LRRC28: variants seen among roughly 807,000 people sequenced by gnomAD.
The protein encoded by LRRC28 is leucine-rich repeat-containing protein 28.
LRRC28 carries 39 observed loss-of-function variants against 45.7 expected under a neutral mutation model. The ratio of observed to expected loss-of-function variants is 0.85; its 90% confidence interval spans 0.66 to 1.12. The LOEUF (loss-of-function observed/expected upper bound fraction) is 1.12. LRRC28 is among the 50% of genes most tolerant of loss of function. The probability of loss-of-function intolerance (pLI) is 0.00; values close to 1 mark genes in which losing one functional copy is unlikely to be tolerated. For synonymous variants in LRRC28, 206 were observed against 178.8 expected (o/e 1.15, Z -1.22); for missense variants, 435 against 438.5 (o/e 0.99, Z 0.07).
At chr15:99,302,804 G>A (rs1333547877) in intron 5 of LRRC28, among the ~76,000 whole-genome samples, 1 of 152,144 alleles carries the variant, frequency 6.6e-6, no homozygotes, top group Non-Finnish European at 1.5e-5. Context: ...TCATGTAAAT[G>A]TACATAACCT....
At chr15:99,287,624 T>C (rs964375484) in intron 4 of LRRC28, among the ~76,000 whole-genome samples, 190 bp from the exon 5 acceptor site, 2 of 152,350 alleles carry the variant, frequency 1.3e-5, no homozygotes, top group Middle Eastern at 6.8e-3. Context: ...TATTTTAAGT[T>C]ATATTTTATC....
chr15:99,373,840 T>C (rs1226267089), intron 9 of LRRC28, among the ~76,000 whole-genome samples: 1 of 152,206 alleles, frequency 6.6e-6, no homozygotes, highest in Non-Finnish European at 1.5e-5. Flanking sequence ...TTCAATTTTA[T>C]AGTAATGCTT....
intron 9 of LRRC28, among the ~76,000 whole-genome samples, chr15:99,365,360 T>G (rs117839588): frequency 6.6e-6 from 1 of 152,376 alleles, no homozygotes; most frequent in East Asian, 1.9e-4. Context: ...CCTCTGTTTA[T>G]AGCAGAGATG....
intron 5 of LRRC28, among the ~76,000 whole-genome samples, chr15:99,296,975 T>C (rs1214707893): frequency 1.3e-5 from 2 of 152,040 alleles, no homozygotes; most frequent in Non-Finnish European, 2.9e-5. Context: ...AATCTAACAA[T>C]CTGCCTCAGC....
intron 6 of LRRC28, among the ~76,000 whole-genome samples, chr15:99,346,788 T>TA (rs1171929939): frequency 6.6e-6 from 1 of 152,084 alleles, no homozygotes; most frequent in Non-Finnish European, 1.5e-5. Flanking sequence ...CATTACCTAT[T>TA]AAAAAAATAA....
intron 6 of LRRC28, among the ~76,000 whole-genome samples, chr15:99,348,502 G>A (rs1567684774): frequency 2.0e-5 from 3 of 152,036 alleles, no homozygotes; most frequent in East Asian, 1.9e-4. Context: ...GAAATCCAGC[G>A]TTCCCGGCAC....
chr15:99,272,407 T>A (rs931886452), intron 2 of LRRC28, among the ~76,000 whole-genome samples: 2 of 152,166 alleles, frequency 1.3e-5, no homozygotes, highest in African/African-American at 4.8e-5. Flanking sequence ...CACTTAGCCA[T>A]GGCCAGCTTG....
chr15:99,257,281 T>C (rs1175288805), intron 2 of LRRC28, among the ~76,000 whole-genome samples: 1 of 152,208 alleles, frequency 6.6e-6, no homozygotes, highest in Non-Finnish European at 1.5e-5. Context: ...CTATTTGCAG[T>C]TATAGGAATC....
At chr15:99,280,683 T>C (rs954908167) in intron 3 of LRRC28, among the ~76,000 whole-genome samples, 2 of 152,142 alleles carry the variant, frequency 1.3e-5, no homozygotes, top group Non-Finnish European at 2.9e-5. Context: ...AGGTGTATCT[T>C]GTTGTAGTTT....
rs111601554 is a variant in LRRC28 at position 99,298,050 on chromosome 15, T to A, written c.385+10099T>A. The stretch of plus-strand genomic sequence containing the variant: ...CAAAAGTTCATTGCTACAATACTTT[T>A]AAAAAAAAAAAGGCAAAAGAAGAAA... On this transcript the variant is annotated intron_variant, in intron 5 of 9. Coordinates refer to ENST00000301981, the MANE Select transcript of LRRC28 (RefSeq NM_144598.5). Among the ~76,000 whole-genome samples the A allele has an allele frequency of 5.2e-3, 768 of 146,942 alleles. 7 individuals are homozygous for A. Among genetic ancestry groups the A allele is most frequent in the African/African-American group, 0.017 (691 of 40,236 alleles).
intron 9 of LRRC28, among the ~76,000 whole-genome samples, chr15:99,380,185 G>T (rs1957774669): frequency 6.6e-6 from 1 of 152,132 alleles, no homozygotes; most frequent in South Asian, 2.1e-4. Context: ...ACTCTTTCTA[G>T]GTCTGTAAGT....
chr15:99,280,989 A>G (rs913278570), intron 3 of LRRC28, among the ~76,000 whole-genome samples: 7 of 151,260 alleles, frequency 4.6e-5, no homozygotes, highest in Non-Finnish European at 7.4e-5. Flanking sequence ...CTAATGTACT[A>G]TACTAATCCC....
At chr15:99,378,466 A>G (rs1044243401) in intron 9 of LRRC28, among the ~76,000 whole-genome samples, 2 of 152,214 alleles carry the variant, frequency 1.3e-5, no homozygotes, top group African/African-American at 2.4e-5. Context: ...TTCTAAATAT[A>G]CAATCATGTC....
At chr15:99,275,136 C>A (rs1003290909) in intron 2 of LRRC28, among the ~76,000 whole-genome samples, 57 of 152,254 alleles carry the variant, frequency 3.7e-4, no homozygotes, top group African/African-American at 1.3e-3. Flanking sequence ...ATATATATGC[C>A]TATATACTTG....
intron 2 of LRRC28, chr15:99,257,891 A>G (rs2081071648): frequency 6.5e-6 from 5 of 772,780 alleles, no homozygotes. Context: ...GAATGATGAA[A>G]CTTATCATCA....
In LRRC28 at chr15:99,259,924, CAA is replaced by C. The variant is rs370510408; in HGVS notation, c.168+3801_168+3802del. On this transcript the variant is annotated intron_variant, in intron 2 of 9. Transcript: ENST00000301981. ...AAGAACCTGAGGAGACAGCAGAAGA[CAA>C]AGAGCAAGACAAAGACAAAGAAATG... The C allele has an allele frequency of 3.5e-4, 247 of 696,132 alleles. 3 individuals carry two copies. The highest frequency in any genetic ancestry group is 3.5e-3 in the African/African-American group (198 of 56,618). The allele number at this position is 696,132 out of a possible 1,614,324, so 43.1% of individuals were successfully genotyped here. A position where few individuals can be genotyped will look rare whatever the true frequency, so the allele number is the denominator to read the frequency against.
rs150659313 is a variant in LRRC28, at chr15:99,334,020, C to T, written c.483C>T (p.Tyr161=). 2.5e-6 allele frequency: 4 copies of T among 1,614,000 alleles called. No homozygotes were observed. The highest frequency in any genetic ancestry group is 2.7e-5 in the African/African-American group (2 of 74,888). ...TTCACATGTGCCTTTCTCTGCAGTACCTCACTGTGGACCGAAATCGTCTAT... is the reference window on the plus strand; with the variant it reads ...TTCACATGTGCCTTTCTCTGCAGTATCTCACTGTGGACCGAAATCGTCTAT... The part of the protein sequence containing the change: ...ERLHMCLSLQ[Y]LTVDRNRLWY... Residue 161 remains tyrosine (Y), a synonymous_variant, in exon 6 of 10, where the codon TAC becomes TAT. Coordinates refer to ENST00000301981, the MANE Select transcript of LRRC28 (RefSeq NM_144598.5).
At chr15:99,334,760 G>A (rs1956270575) in intron 6 of LRRC28, among the ~76,000 whole-genome samples, 2 of 151,958 alleles carry the variant, frequency 1.3e-5, no homozygotes, top group Admixed American at 6.6e-5. Flanking sequence ...TTGTTAACTT[G>A]TAAGAAACAA....
intron 3 of LRRC28, among the ~76,000 whole-genome samples, chr15:99,277,962 T>C (rs575431403): frequency 6.6e-6 from 1 of 152,308 alleles, no homozygotes; most frequent in African/African-American, 2.4e-5. Context: ...ATGTTATATC[T>C]TCTAACTGGT....
Sources: gnomAD v4.1 joint callset for allele counts (sites outside exome capture counted in the v4.1 genomes callset) on GRCh38, gnomAD v4.1.1 for gene constraint, MANE v1.5 for transcripts, NCBI Gene and HGNC (gene_info 2026-07-23, HGNC 2026-07-21) for gene names.